Variants in RNASEH1 observed in about 807,000 individuals in gnomAD.
RNASEH1 encodes the protein ribonuclease H type II.
RNASEH1 carries 27 observed loss-of-function variants against 34.6 expected under a neutral mutation model. That is an observed-to-expected ratio of 0.78 (90% CI 0.58 to 1.08). The LOEUF (loss-of-function observed/expected upper bound fraction) is 1.08. Among genes scored for constraint, RNASEH1 ranks in the 50% least tolerant of loss-of-function variants. RNASEH1 has a pLI of 0.00. For synonymous variants in RNASEH1, 162 were observed against 138.4 expected (o/e 1.17, Z -1.20); for missense variants, 349 against 373.6 (o/e 0.93, Z 0.54).
At chr2:3,558,048 G>C in intron 1 of RNASEH1, 85 bp downstream of exon 1, 1 of 1,482,964 alleles carries the variant, frequency 6.7e-7, no homozygotes, top group Non-Finnish European at 8.9e-7. Context: ...GGACCGCCAG[G>C]CTCCCGCCGC....
chr2:3,546,202 A>AAC lies in RNASEH1; in HGVS notation c.775-333_775-332dup, dbSNP rs376520599. 5.9e-5 allele frequency among the ~76,000 whole-genome samples: 9 copies of AAC among 152,258 alleles called. No homozygotes were observed. The South Asian group carries it at 1.0e-3, about 18-fold the overall frequency. On this transcript the variant is annotated intron_variant, in intron 7 of 7. Transcript: ENST00000315212. ...CAGATGGGTGGACGGATATGTATGC[A>AAC]ACACACACACACGCTTCCCTTGCAG...
chr2:3,550,142 TAAAAAAAAAAA>T (rs1162099553), intron 4 of RNASEH1: 1 of 240,758 alleles, frequency 4.2e-6, no homozygotes, highest in Non-Finnish European at 7.6e-6. Flanking sequence ...GACCGTGTCT[TAAAAAAAAAAA>T]AAAAAAAAAA....
chr2:3,535,262 A>T, the RNASEH1 span, among the ~76,000 whole-genome samples: 2 of 148,046 alleles, frequency 1.4e-5, no homozygotes, highest in African/African-American at 2.5e-5. Flanking sequence ...TACTAAAAAT[A>T]AAAAAAAAAA....
intron 7 of RNASEH1, among the ~76,000 whole-genome samples, chr2:3,546,340 G>A (rs760844566): frequency 2.6e-5 from 4 of 152,002 alleles, no homozygotes; most frequent in Non-Finnish European, 4.4e-5. Context: ...GGCAGAACAA[G>A]GCAGGGTTGA....
chr2:3,540,841 G>A (rs990949637), downstream of RNASEH1, among the ~76,000 whole-genome samples: 3 of 151,928 alleles, frequency 2.0e-5, no homozygotes, highest in Non-Finnish European at 2.9e-5. Context: ...AGCAGCAGGA[G>A]CATGCTTTTT....
At chr2:3,558,105 G>A (rs972011136) in intron 1 of RNASEH1, 28 bp downstream of exon 1, 25 of 1,573,438 alleles carry the variant, frequency 1.6e-5, no homozygotes, top group African/African-American at 2.7e-5. Context: ...TGCCGGCAGG[G>A]AGGCGCCTCG....
In RNASEH1 at chr2:3,545,642, G is replaced by T; in HGVS notation, c.*143C>A. The T allele has an allele frequency of 1.6e-6, 1 of 642,012 alleles. No homozygotes were observed. Among genetic ancestry groups the T allele is most frequent in the South Asian group, 1.8e-5 (1 of 56,338 alleles). 39.8% of individuals were successfully genotyped at this position (642,012 alleles called of 1,614,324 possible). A position where few individuals can be genotyped will look rare whatever the true frequency, so the allele number is the denominator to read the frequency against. ...TTTTTTATAAACACATGTCACAGAA[G>T]GCCACTGTGCCTGATTCCGTGTGAA... On this transcript the variant is annotated 3_prime_UTR_variant, in exon 8 of 8. Transcript: ENST00000315212.
chr2:3,550,553 T>C (rs1659757259), intron 3 of RNASEH1, 81 bp from the exon 4 acceptor site: 1 of 1,048,332 alleles, frequency 9.5e-7, no homozygotes, highest in Admixed American at 1.7e-5. Context: ...TAGGTCGACT[T>C]AGCATTTTAA....
the RNASEH1 span, chr2:3,532,226 C>T: frequency 1.4e-6 from 1 of 701,882 alleles, no homozygotes; most frequent in African/African-American, 1.7e-5. Flanking sequence ...AAGGCATTCA[C>T]TCCGTCTGCA....
In RNASEH1 at chr2:3,548,630, G is replaced by GA. The variant is rs1668983399; in HGVS notation, c.649+9dup. On this transcript the variant is annotated intron_variant, in intron 6 of 7. Transcript: ENST00000315212. The stretch of plus-strand genomic sequence containing the variant: ...TGGAAAAACAGAAGAAATCAAATGT[G>GA]AAAGCTTACCATTTATCGTAAACAT... The GA allele has an allele frequency of 6.5e-7, 1 of 1,548,696 alleles. No homozygotes were observed. The highest frequency in any genetic ancestry group is 1.4e-5 in the African/African-American group (1 of 73,498).
intron 2 of RNASEH1, among the ~76,000 whole-genome samples, chr2:3,553,140 C>T (rs1183042803): frequency 1.3e-5 from 2 of 151,772 alleles, no homozygotes; most frequent in Non-Finnish European, 2.9e-5. Context: ...CCCAGCTACT[C>T]AGGAGGCTGA....
intron 2 of RNASEH1, among the ~76,000 whole-genome samples, chr2:3,556,336 T>C (rs1232196728): frequency 6.6e-6 from 1 of 150,406 alleles, no homozygotes; most frequent in Non-Finnish European, 1.5e-5. Context: ...TGACGAGTCT[T>C]GCCCTGTCAC....
chr2:3,544,791 T>C lies in RNASEH1; in HGVS notation c.*994A>G, dbSNP rs1668588368. On this transcript the variant is annotated 3_prime_UTR_variant, in exon 8 of 8. Transcript: ENST00000315212. ...AAACTTTTACTACTTTTTTTTTTTTTTGAGACAGAGTCTCACTCTGTTGCC... is the reference window on the plus strand; with the variant it reads ...AAACTTTTACTACTTTTTTTTTTTTCTGAGACAGAGTCTCACTCTGTTGCC... 6.6e-6 allele frequency: 1 copy of C among 152,126 alleles called. No homozygotes were observed. Among genetic ancestry groups the C allele is most frequent in the Admixed American group, 6.5e-5 (1 of 15,274 alleles). 9.4% of individuals were successfully genotyped at this position (152,126 alleles called of 1,614,324 possible).
At chr2:3,540,519 C>T (rs1310223682), downstream of RNASEH1, among the ~76,000 whole-genome samples, 1 of 152,206 alleles carries the variant, frequency 6.6e-6, no homozygotes, top group African/African-American at 2.4e-5. Context: ...AGCAATTCTC[C>T]TGCCTCAGCC....
chr2:3,540,375 T>A (rs1344197169), downstream of RNASEH1, among the ~76,000 whole-genome samples: 3 of 152,150 alleles, frequency 2.0e-5, no homozygotes, highest in Non-Finnish European at 4.4e-5. Context: ...TTTCCTTCCC[T>A]CCGGCTTCAT....
At chr2:3,549,706 G>A (rs567136280) in intron 4 of RNASEH1, among the ~76,000 whole-genome samples, 2 of 151,986 alleles carry the variant, frequency 1.3e-5, no homozygotes, top group South Asian at 4.2e-4. Context: ...ACTCCTCTTG[G>A]GAGGCCGAGG....
At chr2:3,531,942 G>T in the RNASEH1 span, 450 of 304,896 alleles carry the variant, frequency 1.5e-3, 3 homozygotes, top group Middle Eastern at 3.1e-3. Context: ...CAAATACCAG[G>T]TTCATGTACC....
chr2:3,542,625 TTCA>T lies in RNASEH1; in HGVS notation c.*3157_*3159del. Among the ~76,000 whole-genome samples, 1 of 152,314 alleles carries T rather than the reference TTCA, an allele frequency of 6.6e-6. No homozygotes were observed. Among genetic ancestry groups the T allele is most frequent in the East Asian group, 1.9e-4 (1 of 5,190 alleles). ...CTGACAACGTAGACACAGTGCTGTT[TTCA>T]TCATCACAATTAATGCTATGGTATT... On this transcript the variant is annotated 3_prime_UTR_variant, in exon 8 of 8. Coordinates refer to ENST00000315212, the MANE Select transcript of RNASEH1 (RefSeq NM_002936.6).
chr2:3,555,713 T>A (rs1239945792), intron 2 of RNASEH1, among the ~76,000 whole-genome samples: 1 of 152,136 alleles, frequency 6.6e-6, no homozygotes, highest in Non-Finnish European at 1.5e-5. Context: ...TAAGATCACC[T>A]CCTCAGTGTA....
Sources: allele counts gnomAD v4.1 joint callset (sites outside exome capture counted in the v4.1 genomes callset), GRCh38; gene constraint gnomAD v4.1.1; transcripts MANE v1.5; gene names NCBI Gene and HGNC (gene_info 2026-07-23, HGNC 2026-07-21).